SLC45A4: variants seen among roughly 807,000 people sequenced by gnomAD.
SLC45A4 encodes solute carrier family 45 member 4, also known as polyamine-transporter SLC45A4.
SLC45A4 carries 32 observed loss-of-function variants against 63.7 expected under a neutral mutation model. The observed-to-expected ratio is 0.50, with a 90% confidence interval of 0.38 to 0.67. The LOEUF (loss-of-function observed/expected upper bound fraction) is 0.67, where lower values mean the gene tolerates loss of function less well. Among genes scored for constraint, SLC45A4 ranks in the 30% least tolerant of loss-of-function variants. SLC45A4 has a pLI of 0.00. For synonymous variants in SLC45A4, 535 were observed against 510.0 expected, an observed-to-expected ratio of 1.05 and a Z score of -0.66; for missense variants, 1,027 against 1,157.7, an observed-to-expected ratio of 0.89 and a Z score of 1.64.
At chr8:141,287,383 G>C (rs1830186358) in intron 1 of SLC45A4, among the ~76,000 whole-genome samples, 1 of 152,228 alleles carries the variant, frequency 6.6e-6, no homozygotes, top group African/African-American at 2.4e-5. Context: ...GATACTACAG[G>C]TGTTTTCACA....
At position 141,283,290 on chromosome 8, in the gene SLC45A4, C is replaced by A. The variant is rs1209504117; in HGVS notation, c.-401+24806G>T. ...CCTCTGCGAACATGAGGAAGATGAGCAGGTGGCGCTCAGTACTTCTCTCTA... is the reference window on the plus strand; with the variant it reads ...CCTCTGCGAACATGAGGAAGATGAGAAGGTGGCGCTCAGTACTTCTCTCTA... On this transcript the variant is annotated intron_variant, in intron 1 of 8. Transcript: ENST00000517878. Among the ~76,000 whole-genome samples the A allele has an allele frequency of 2.6e-5, 4 of 152,216 alleles. 1 individual carries two copies. The highest frequency in any genetic ancestry group is 5.9e-5 in the Non-Finnish European group (4 of 68,044).
At position 141,262,444 on chromosome 8, in the gene SLC45A4, G is replaced by A. The variant is rs1589827835; in HGVS notation, c.-400-7815C>T. On this transcript the variant is annotated intron_variant, in intron 1 of 8. Coordinates refer to ENST00000517878, the MANE Select transcript of SLC45A4 (RefSeq NM_001286646.2). Reference sequence around the variant, plus strand: ...AGTGAACAGGCAACCTACAAAATGGGAGAAAATTTTCACAACCTACTCATC... The same window carrying A: ...AGTGAACAGGCAACCTACAAAATGGAAGAAAATTTTCACAACCTACTCATC... Among the ~76,000 whole-genome samples the A allele has an allele frequency of 1.4e-4, 21 of 150,220 alleles. No individual in the cohort carries two copies. In the South Asian group the frequency reaches 4.5e-3, roughly 32 times the overall value.
intron 2 of SLC45A4, among the ~76,000 whole-genome samples, chr8:141,234,825 C>G (rs564259744): frequency 1.3e-4 from 20 of 152,314 alleles, no homozygotes; most frequent in South Asian, 2.1e-4. Context: ...GCCCCTCCCC[C>G]CAGCACAGCC....
chr8:141,305,046 A>G (rs1333287332), intron 1 of SLC45A4, among the ~76,000 whole-genome samples: 1 of 152,164 alleles, frequency 6.6e-6, no homozygotes, highest in Non-Finnish European at 1.5e-5. Flanking sequence ...CAGGGTAGAG[A>G]AGATTCATTT....
intron 1 of SLC45A4, among the ~76,000 whole-genome samples, chr8:141,281,945 G>A (rs1304216447): frequency 1.3e-5 from 2 of 151,854 alleles, no homozygotes; most frequent in Non-Finnish European, 1.5e-5. Flanking sequence ...ACGCCAGGAC[G>A]CGTGGTGGCT....
chr8:141,263,916 C>G (rs1563657611), intron 1 of SLC45A4, among the ~76,000 whole-genome samples: 1 of 152,076 alleles, frequency 6.6e-6, no homozygotes. Context: ...GGGGACAGCA[C>G]ACAGAGAAGG....
Position 141,221,742 on chromosome 8 carries a change from G to A in SLC45A4, c.265C>T (p.Leu89Phe), listed in dbSNP as rs1342413106. ...QIGLPEQYYS[L>F]TWFLSPILGL... ...AGGATGGGGCTCAGGAACCAGGTGA[G>A]GCTGTAGTACTGCTCCGGAAGGCCT... is the stretch of plus-strand genomic sequence containing the variant. The change falls in exon 3 of 9, where the codon CTC becomes TTC. Residue 89 changes from leucine (L) to phenylalanine (F), a missense_variant. Leu to Phe is a conservative substitution (Grantham distance 22, BLOSUM62 0). Transcript: ENST00000517878. 4 of 1,613,960 alleles carry A rather than the reference G, an allele frequency of 2.5e-6. No homozygotes were observed. Among genetic ancestry groups the A allele is most frequent in the Non-Finnish European group, 3.4e-6 (4 of 1,180,038 alleles).
chr8:141,216,002 G>A (rs1364380356), intron 6 of SLC45A4, 32 bp from the exon 7 acceptor site: 1 of 1,594,768 alleles, frequency 6.3e-7, no homozygotes, highest in Non-Finnish European at 8.6e-7. Flanking sequence ...CAAGGACAGT[G>A]GGCAGGCGGC....
rs574750932 is a variant in SLC45A4, at chr8:141,284,733, G to C, written c.-401+23363C>G. Among the ~76,000 whole-genome samples the C allele has an allele frequency of 4.5e-4, 68 of 152,260 alleles. 1 individual carries two copies. In the South Asian group the frequency reaches 0.014, roughly 31 times the overall value. On this transcript the variant is annotated intron_variant, in intron 1 of 8. Coordinates refer to ENST00000517878, the MANE Select transcript of SLC45A4 (RefSeq NM_001286646.2). ...CCTGGGGGATGAAACGCCTACCCCAGTACAAAGCCTGCCTGTGTCTGCCTG... is the reference window on the plus strand; with the variant it reads ...CCTGGGGGATGAAACGCCTACCCCACTACAAAGCCTGCCTGTGTCTGCCTG...
In SLC45A4 at chr8:141,210,213, G is replaced by A. The variant is rs1373441071; in HGVS notation, c.*1359C>T. 1 of 152,352 alleles carries A rather than the reference G, an allele frequency of 6.6e-6. No homozygotes were observed. Among genetic ancestry groups the A allele is most frequent in the Non-Finnish European group, 1.5e-5 (1 of 68,116 alleles). 9.4% of individuals were successfully genotyped at this position (152,352 alleles called of 1,614,324 possible). ...AGCCGCTAGAGGATCAAGTTGCATAGAGTGAGCTGCCACGGACGCCCGGCC... is the reference window on the plus strand; with the variant it reads ...AGCCGCTAGAGGATCAAGTTGCATAAAGTGAGCTGCCACGGACGCCCGGCC... On this transcript the variant is annotated 3_prime_UTR_variant, in exon 9 of 9. Coordinates refer to ENST00000517878, the MANE Select transcript of SLC45A4 (RefSeq NM_001286646.2).
At chr8:141,273,699 C>T (rs900579820) in intron 1 of SLC45A4, among the ~76,000 whole-genome samples, 1 of 152,068 alleles carries the variant, frequency 6.6e-6, no homozygotes, top group African/African-American at 2.4e-5. Flanking sequence ...TTTGATGGTT[C>T]TTCCATGTAA....
At chr8:141,253,859 G>C in intron 2 of SLC45A4, 130 bp downstream of exon 2, 1 of 1,397,756 alleles carries the variant, frequency 7.2e-7, no homozygotes, top group South Asian at 1.4e-5. Context: ...TGAAGGGAGA[G>C]GAGACAAAGA....
chr8:141,242,233 C>T (rs1827952668), intron 2 of SLC45A4, among the ~76,000 whole-genome samples: 1 of 152,188 alleles, frequency 6.6e-6, no homozygotes, highest in African/African-American at 2.4e-5. Flanking sequence ...GAGTGATGAC[C>T]AGGACGATGA....
intron 8 of SLC45A4, chr8:141,211,974 G>A (rs868012453): frequency 4.4e-5 from 56 of 1,280,858 alleles, no homozygotes; most frequent in Non-Finnish European, 5.0e-5. Flanking sequence ...TTTAATTATC[G>A]AAAAAGTGGT....
chr8:141,234,375 G>A (rs934557230), intron 2 of SLC45A4, among the ~76,000 whole-genome samples: 1 of 152,242 alleles, frequency 6.6e-6, no homozygotes, highest in Non-Finnish European at 1.5e-5. Flanking sequence ...AGGACTGAAG[G>A]GTGCGGGGTG....
intron 2 of SLC45A4, among the ~76,000 whole-genome samples, chr8:141,223,566 C>T (rs542094861): frequency 6.6e-6 from 1 of 152,188 alleles, no homozygotes; most frequent in Non-Finnish European, 1.5e-5. Context: ...AGCCTGTGTG[C>T]GGTCCTGGCT....
At chr8:141,302,359 T>C (rs369888676) in intron 1 of SLC45A4, among the ~76,000 whole-genome samples, 11 of 145,308 alleles carry the variant, frequency 7.6e-5, no homozygotes, top group South Asian at 4.2e-4. Flanking sequence ...CCACTCACCA[T>C]CACCACCACC....
chr8:141,210,017 C>T lies in SLC45A4; in HGVS notation c.*1555G>A, dbSNP rs925794039. On this transcript the variant is annotated 3_prime_UTR_variant, in exon 9 of 9. Coordinates refer to ENST00000517878, the MANE Select transcript of SLC45A4 (RefSeq NM_001286646.2). ...AACCCACATTTGGTGTGGTTTGGGT[C>T]GGATCTTGATTCGGGTCAGGCCACT... 6.6e-6 allele frequency: 1 copy of T among 152,156 alleles called. No individual in the cohort carries two copies. The highest frequency in any genetic ancestry group is 1.5e-5 in the Non-Finnish European group (1 of 68,034). 9.4% of individuals were successfully genotyped at this position (152,156 alleles called of 1,614,324 possible). A position where few individuals can be genotyped will look rare whatever the true frequency, so the allele number is the denominator to read the frequency against.
At chr8:141,273,254 C>T (rs1175207198) in intron 1 of SLC45A4, among the ~76,000 whole-genome samples, 1 of 152,190 alleles carries the variant, frequency 6.6e-6, no homozygotes, top group Admixed American at 6.5e-5. Context: ...AATTAAGAGG[C>T]AATGAGGGGT....
Sources: gnomAD v4.1 joint callset for allele counts (sites outside exome capture counted in the v4.1 genomes callset) on GRCh38, gnomAD v4.1.1 for gene constraint, MANE v1.5 for transcripts, NCBI Gene and HGNC (gene_info 2026-07-23, HGNC 2026-07-21) for gene names.